UBE2D2: variants seen among roughly 807,000 people sequenced by gnomAD.
The protein encoded by UBE2D2 is ubiquitin-conjugating enzyme E2 D2.
In UBE2D2, 2 loss-of-function variants were observed where a neutral mutation model predicts 24.2. The observed-to-expected ratio is 0.08, with a 90% CI of 0.03 to 0.26. The LOEUF is 0.26. UBE2D2 is among the 10% of genes least tolerant of loss of function. The pLI is 1.00. For synonymous variants in UBE2D2, 58 were observed against 56.5 expected (o/e 1.03, Z -0.12); for missense variants, 44 against 177.6 (o/e 0.25, Z 4.28).
At chr5:139,599,890 G>A (rs539740115) in intron 1 of UBE2D2, among the ~76,000 whole-genome samples, 69 of 151,784 alleles carry the variant, frequency 4.5e-4, no homozygotes, top group African/African-American at 1.4e-3. Flanking sequence ...TGCAACCTCC[G>A]CCTCCCTGGT....
chr5:139,586,487 T>C (rs1362274245), intron 1 of UBE2D2, among the ~76,000 whole-genome samples: 2 of 152,124 alleles, frequency 1.3e-5, no homozygotes, highest in African/African-American at 2.4e-5. Flanking sequence ...TTTCTTAGGC[T>C]GGACACAGTG....
intron 1 of UBE2D2, among the ~76,000 whole-genome samples, chr5:139,535,058 T>A (rs1458473000): frequency 6.6e-6 from 1 of 151,816 alleles, no homozygotes. Context: ...GAGAATCGCT[T>A]GAACCTGGGA....
chr5:139,548,262 A>C (rs1202690293), intron 1 of UBE2D2, among the ~76,000 whole-genome samples: 2 of 151,040 alleles, frequency 1.3e-5, no homozygotes, highest in Non-Finnish European at 3.0e-5. Flanking sequence ...TTTTGTAGGC[A>C]ACTCATATAT....
chr5:139,549,830 C>G (rs187666515), intron 1 of UBE2D2, among the ~76,000 whole-genome samples: 17 of 152,200 alleles, frequency 1.1e-4, no homozygotes, highest in Non-Finnish European at 2.2e-4. Flanking sequence ...ACTTGGAGAA[C>G]TTTTATGTCT....
chr5:139,552,746 G>A (rs1191784429), intron 1 of UBE2D2, among the ~76,000 whole-genome samples: 45 of 144,630 alleles, frequency 3.1e-4, no homozygotes, highest in Non-Finnish European at 7.5e-5. Flanking sequence ...GCAATGGCAC[G>A]ATCTTGGCTC....
At chr5:139,536,271 G>A (rs184081987) in intron 1 of UBE2D2, among the ~76,000 whole-genome samples, 104 of 149,568 alleles carry the variant, frequency 7.0e-4, no homozygotes, top group African/African-American at 2.5e-3. Flanking sequence ...AGCTAATTTT[G>A]TATTTTTAGT....
At chr5:139,625,745 C>T (rs571208517) in intron 6 of UBE2D2, among the ~76,000 whole-genome samples, 7 of 151,070 alleles carry the variant, frequency 4.6e-5, no homozygotes, top group Admixed American at 4.6e-4. Flanking sequence ...GCTGGGATTA[C>T]AGGCGCACAT....
chr5:139,590,766 G>C (rs1196215045), intron 1 of UBE2D2, among the ~76,000 whole-genome samples: 2 of 140,610 alleles, frequency 1.4e-5, no homozygotes, highest in African/African-American at 5.2e-5. Flanking sequence ...GTTCATGGTG[G>C]GTATTTTCTC....
chr5:139,532,872 C>T (rs1752614673), intron 1 of UBE2D2, among the ~76,000 whole-genome samples: 1 of 151,922 alleles, frequency 6.6e-6, no homozygotes, highest in Non-Finnish European at 1.5e-5. Context: ...TTTGGAAGGC[C>T]AAGGCGGGTG....
chr5:139,587,672 CAAAAAA>C (rs766266617), intron 1 of UBE2D2, among the ~76,000 whole-genome samples: 2 of 35,558 alleles, frequency 5.6e-5, no homozygotes, highest in African/African-American at 1.1e-4. Flanking sequence ...GACCCCATCT[CAAAAAA>C]AAAAAAAAAA....
intron 2 of UBE2D2, among the ~76,000 whole-genome samples, chr5:139,602,690 C>T (rs551858324): frequency 6.6e-6 from 1 of 151,592 alleles, no homozygotes; most frequent in Non-Finnish European, 1.5e-5. Flanking sequence ...ACAAAAACAA[C>T]AACAACAACA....
At chr5:139,542,333 C>G (rs28445805) in intron 1 of UBE2D2, among the ~76,000 whole-genome samples, 8,549 of 152,220 alleles carry the variant, frequency 0.056, 808 homozygotes, top group African/African-American at 0.19. Flanking sequence ...AACTCCCTAA[C>G]CTACTATTTT....
intron 1 of UBE2D2, among the ~76,000 whole-genome samples, chr5:139,591,120 C>G (rs1159855850): frequency 1.4e-5 from 2 of 141,558 alleles, no homozygotes; most frequent in Non-Finnish European, 3.1e-5. Flanking sequence ...TTCTTTTTCT[C>G]TCTCTCTTTT....
chr5:139,605,001 A>C (rs1754169174), intron 2 of UBE2D2, among the ~76,000 whole-genome samples: 1 of 152,218 alleles, frequency 6.6e-6, no homozygotes, highest in African/African-American at 2.4e-5. Context: ...ATAAGGAGTC[A>C]GAATTTAATC....
intron 5 of UBE2D2, among the ~76,000 whole-genome samples, chr5:139,619,877 G>A (rs1029421169): frequency 1.3e-5 from 2 of 150,150 alleles, no homozygotes; most frequent in African/African-American, 2.5e-5. Context: ...AAAAAAGGAG[G>A]TTTAATTGGC....
intron 1 of UBE2D2, among the ~76,000 whole-genome samples, chr5:139,580,844 A>G (rs920163311): frequency 2.0e-5 from 3 of 152,174 alleles, no homozygotes; most frequent in Admixed American, 1.3e-4. Context: ...GCATGAGCGT[A>G]GTTTAAGGTT....
chr5:139,531,682 C>A (rs1160994124), intron 1 of UBE2D2, among the ~76,000 whole-genome samples: 1 of 151,434 alleles, frequency 6.6e-6, no homozygotes, highest in Non-Finnish European at 1.5e-5. Flanking sequence ...TAATGCCTGG[C>A]TGGACACTGT....
Position 139,561,716 on chromosome 5 carries a change from A to C in UBE2D2, c.-76A>C. On this transcript the variant is annotated 5_prime_UTR_variant, in exon 1 of 7. Transcript: ENST00000398733. The stretch of plus-strand genomic sequence containing the variant: ...CGACCGAGATCGCCGAGGCGGCCTC[A>C]GGCTCCCTAGCCCCTTCCCCGTCCC... 8.3e-7 allele frequency: 1 copy of C among 1,204,888 alleles called. No homozygotes were observed. Among genetic ancestry groups the C allele is most frequent in the Non-Finnish European group, 1.1e-6 (1 of 895,742 alleles). The allele number at this position is 1,204,888 out of a possible 1,614,324, so 74.6% of individuals were successfully genotyped here.
At chr5:139,610,659 G>A (rs1361535539) in intron 2 of UBE2D2, among the ~76,000 whole-genome samples, 1 of 151,848 alleles carries the variant, frequency 6.6e-6, no homozygotes, top group Non-Finnish European at 1.5e-5. Flanking sequence ...GATTGCTTGA[G>A]CATAGGAGTT....
Sources: gnomAD v4.1 joint callset for allele counts (sites outside exome capture counted in the v4.1 genomes callset) on GRCh38, gnomAD v4.1.1 for gene constraint, MANE v1.5 for transcripts, NCBI Gene and HGNC (gene_info 2026-07-23, HGNC 2026-07-21) for gene names.